TLL1: variants seen among roughly 807,000 people sequenced by gnomAD.
The protein encoded by TLL1 is tolloid-like protein 1.
A neutral mutation model predicts 128.2 loss-of-function variants in TLL1; 49 were observed. That is an observed-to-expected ratio of 0.38 (90% CI 0.30 to 0.48). TLL1 has a LOEUF of 0.48. Among genes scored for constraint, TLL1 ranks in the 20% least tolerant of loss-of-function variants. The pLI, the probability that TLL1 is intolerant of heterozygous loss-of-function variation, is 0.96. For synonymous variants in TLL1, 454 were observed against 418.8 expected, an observed-to-expected ratio of 1.08 and a Z score of -1.03; for missense variants, 1,123 against 1,242.0, an observed-to-expected ratio of 0.90 and a Z score of 1.44.
At chr4:165,929,765 G>T (rs1733432886) in intron 1 of TLL1, among the ~76,000 whole-genome samples, 1 of 152,098 alleles carries the variant, frequency 6.6e-6, no homozygotes, top group Admixed American at 6.5e-5. Flanking sequence ...ATTATTCCTT[G>T]ATGTCTGAGA....
intron 1 of TLL1, among the ~76,000 whole-genome samples, chr4:165,946,938 A>G (rs1734278277): frequency 6.6e-6 from 1 of 152,144 alleles, no homozygotes; most frequent in Non-Finnish European, 1.5e-5. Flanking sequence ...TGGCAAAATT[A>G]TGTCTTGTAG....
chr4:165,994,589 TTAAG>T (rs1187111616), intron 4 of TLL1, 56 bp downstream of exon 4: 13 of 1,589,402 alleles, frequency 8.2e-6, no homozygotes, highest in East Asian at 4.5e-5. Context: ...ATCATACAGA[TTAAG>T]TGTCTATTTT....
chr4:165,988,169 G>A (rs28417294), intron 1 of TLL1, among the ~76,000 whole-genome samples: 9,506 of 152,146 alleles, frequency 0.062, 908 homozygotes, highest in African/African-American at 0.21. Flanking sequence ...ATTCAAATAA[G>A]CAGGGAGACT....
At chr4:165,879,249 C>G (rs2110807290) in intron 1 of TLL1, among the ~76,000 whole-genome samples, 1 of 152,172 alleles carries the variant, frequency 6.6e-6, no homozygotes, top group East Asian at 1.9e-4. Flanking sequence ...TGACAGTTTC[C>G]TTTTCTATGA....
At chr4:166,049,329 A>C (rs1214458097) in intron 12 of TLL1, among the ~76,000 whole-genome samples, 3 of 152,162 alleles carry the variant, frequency 2.0e-5, no homozygotes, top group Non-Finnish European at 2.9e-5. Context: ...CTATTGATAT[A>C]ATATTACGGC....
intron 1 of TLL1, among the ~76,000 whole-genome samples, chr4:165,983,117 T>G (rs1322929665): frequency 6.6e-6 from 1 of 151,864 alleles, no homozygotes; most frequent in East Asian, 1.9e-4. Context: ...AGTTTCAATA[T>G]TTACTTTTAC....
In TLL1 at chr4:165,899,029, G is replaced by A. The variant is rs984202171; in HGVS notation, c.169+24956G>A. ...GTTTATTTGCATAGAAGTGTCTATA[G>A]TATTCTCTGATGGTAGTTTGTATTT... On this transcript the variant is annotated intron_variant, in intron 1 of 20. Coordinates refer to ENST00000061240, the MANE Select transcript of TLL1 (RefSeq NM_012464.5). Among the ~76,000 whole-genome samples, 8 of 152,306 alleles carry A rather than the reference G, an allele frequency of 5.3e-5. No homozygotes were observed. In the East Asian group the frequency reaches 1.3e-3, roughly 26 times the overall value.
At chr4:166,023,280 A>G (rs1410219491) in intron 8 of TLL1, among the ~76,000 whole-genome samples, 1 of 152,130 alleles carries the variant, frequency 6.6e-6, no homozygotes, top group Non-Finnish European at 1.5e-5. Context: ...CATGCCTGTA[A>G]TCCCAGCTAT....
At chr4:166,011,710 C>T (rs1177060790) in intron 7 of TLL1, among the ~76,000 whole-genome samples, 2 of 151,212 alleles carry the variant, frequency 1.3e-5, no homozygotes, top group African/African-American at 4.8e-5. Context: ...TTGCCTTGTT[C>T]CTTATCTTAA....
chr4:166,019,952 G>A (rs893409798), intron 8 of TLL1, among the ~76,000 whole-genome samples: 1 of 152,090 alleles, frequency 6.6e-6, no homozygotes, highest in African/African-American at 2.4e-5. Context: ...CAGAAATAAG[G>A]TTAGGAAGGG....
At chr4:165,973,889 C>T (rs1446498157) in intron 1 of TLL1, among the ~76,000 whole-genome samples, 1 of 152,134 alleles carries the variant, frequency 6.6e-6, no homozygotes, top group Non-Finnish European at 1.5e-5. Flanking sequence ...TGGTTTCAAA[C>T]TCCTGATCTC....
At chr4:165,960,598 CAA>C (rs1157464617) in intron 1 of TLL1, among the ~76,000 whole-genome samples, 1 of 152,082 alleles carries the variant, frequency 6.6e-6, no homozygotes, top group African/African-American at 2.4e-5. Context: ...AGCAACATAT[CAA>C]AAAGTTAATT....
chr4:166,045,619 C>G (rs1350357639), intron 12 of TLL1, among the ~76,000 whole-genome samples: 1 of 152,076 alleles, frequency 6.6e-6, no homozygotes, highest in Admixed American at 6.6e-5. Flanking sequence ...TATGACACTG[C>G]GCTACTGACA....
chr4:165,933,227 C>T (rs183671528), intron 1 of TLL1, among the ~76,000 whole-genome samples: 1 of 152,212 alleles, frequency 6.6e-6, no homozygotes, highest in Non-Finnish European at 1.5e-5. Flanking sequence ...AGATCAATCT[C>T]CCCCCATACA....
At chr4:166,023,780 C>T (rs1350068661) in intron 8 of TLL1, among the ~76,000 whole-genome samples, 1 of 152,094 alleles carries the variant, frequency 6.6e-6, no homozygotes, top group Non-Finnish European at 1.5e-5. Flanking sequence ...GTGTTGTATG[C>T]ATACATTTAT....
intron 1 of TLL1, among the ~76,000 whole-genome samples, chr4:165,946,882 T>C (rs1244722924): frequency 6.6e-6 from 1 of 152,044 alleles, no homozygotes; most frequent in Non-Finnish European, 1.5e-5. Flanking sequence ...AACATGTGAT[T>C]GGAAACTGGA....
At position 165,873,601 on chromosome 4, in the gene TLL1, C is replaced by A. The variant is rs1560998435; in HGVS notation, c.-304C>A. ...CGACCTGGCAGGCTGCGAGCGCCAG[C>A]GCCGCCAGAGCCGAGTTTGCCTGCG... On this transcript the variant is annotated 5_prime_UTR_variant, in exon 1 of 21. Coordinates refer to ENST00000061240, the MANE Select transcript of TLL1 (RefSeq NM_012464.5). 1 of 234,508 alleles carries A rather than the reference C, an allele frequency of 4.3e-6. No individual in the cohort carries two copies. 14.5% of individuals were successfully genotyped at this position (234,508 alleles called of 1,614,324 possible).
Position 165,874,034 on chromosome 4 carries a change from A to G in TLL1, c.130A>G (p.Lys44Glu), listed in dbSNP as rs749564223. ...DYTFDGNEED[K>E]TETIDYKDPC... The stretch of plus-strand genomic sequence containing the variant: ...CACTTTTGATGGGAACGAAGAGGAT[A>G]AAACAGAGACTATAGATTACAAGGA... Residue 44 changes from lysine (K) to glutamate (E), a missense_variant, in exon 1 of 21, where the codon AAA (lysine) becomes GAA (glutamate). This residue lies in a region of TLL1 where 480 missense variants were observed against 542.4 expected (regional missense o/e 0.89). Transcript: ENST00000061240. 6.2e-7 allele frequency: 1 copy of G among 1,614,166 alleles called. No individual in the cohort carries two copies. The highest frequency in any genetic ancestry group is 1.1e-5 in the South Asian group (1 of 91,080).
At chr4:166,042,428 T>G (rs1357402454) in intron 11 of TLL1, among the ~76,000 whole-genome samples, 1 of 152,218 alleles carries the variant, frequency 6.6e-6, no homozygotes, top group Non-Finnish European at 1.5e-5. Context: ...CATGATAGTT[T>G]TAAAACATTA....
Sources: allele counts gnomAD v4.1 joint callset (sites outside exome capture counted in the v4.1 genomes callset), GRCh38; gene constraint gnomAD v4.1.1; regional missense constraint gnomAD v4.1.1; transcripts MANE v1.5; gene names NCBI Gene and HGNC (gene_info 2026-07-23, HGNC 2026-07-21).